The following PTPN12 variants were observed in gnomAD, a reference collection of about 807,000 sequenced individuals.
The protein encoded by PTPN12 is tyrosine-protein phosphatase non-receptor type 12.
PTPN12 carries 29 observed loss-of-function variants against 97.6 expected under a neutral mutation model. The observed-to-expected ratio is 0.30, with a 90% CI of 0.22 to 0.41. PTPN12 has a LOEUF of 0.41. Ranked by LOEUF, PTPN12 falls within the 10% of genes least tolerant of loss-of-function variation. The probability of loss-of-function intolerance (pLI) is 1.00; values close to 1 mark genes in which losing one functional copy is unlikely to be tolerated. For synonymous variants in PTPN12, 327 were observed against 300.4 expected, an observed-to-expected ratio of 1.09 and a Z score of -0.91; for missense variants, 819 against 926.0, an observed-to-expected ratio of 0.88 and a Z score of 1.50.
At chr7:77,547,733 G>A (rs182885586) in intron 1 of PTPN12, among the ~76,000 whole-genome samples, 5 of 152,362 alleles carry the variant, frequency 3.3e-5, no homozygotes, top group African/African-American at 9.6e-5. Flanking sequence ...ATCATGGACA[G>A]TTTCCACAAA....
rs571954415 is a variant in PTPN12 at position 77,614,746 on chromosome 7, A to G, written c.939+3700A>G. 3.9e-5 allele frequency among the ~76,000 whole-genome samples: 6 copies of G among 152,320 alleles called. No individual in the cohort carries two copies. In the East Asian group the frequency reaches 1.2e-3, roughly 29 times the overall value. On this transcript the variant is annotated intron_variant, in intron 11 of 17. Transcript: ENST00000248594. ...AATGTGGAATCTGAAAAATTGAGAA[A>G]AATCATCTTAGAACTGTGTGGTTGA... is the stretch of plus-strand genomic sequence containing the variant.
chr7:77,547,727 T>A (rs983553801), intron 1 of PTPN12, among the ~76,000 whole-genome samples: 1 of 152,228 alleles, frequency 6.6e-6, no homozygotes. Context: ...GAATAGATCA[T>A]GGACAGTTTC....
Position 77,639,245 on chromosome 7 carries a change from A to C in PTPN12, c.2308A>C (p.Lys770Gln). Residue 770 changes from lysine to glutamine, a missense_variant, in exon 18 of 18, where the codon AAA becomes CAA. Physicochemically the swap from Lys to Gln is moderately conservative, Grantham distance 53 (BLOSUM62 1). Coordinates refer to ENST00000248594, the MANE Select transcript of PTPN12 (RefSeq NM_002835.4). ...IGFGNRCGKPKGPRDPPSEWT is the reference protein window; with the variant it reads ...IGFGNRCGKPQGPRDPPSEWT ...TTTTGGTAATCGATGTGGAAAACCCAAAGGACCAAGAGATCCACCTTCAGA... is the reference window on the plus strand; with the variant it reads ...TTTTGGTAATCGATGTGGAAAACCCCAAGGACCAAGAGATCCACCTTCAGA... The C allele has an allele frequency of 1.9e-6, 3 of 1,612,958 alleles. No individual in the cohort carries two copies. Among genetic ancestry groups the C allele is most frequent in the Non-Finnish European group, 2.5e-6 (3 of 1,179,396 alleles).
At chr7:77,568,227 A>G (rs1340980423) in intron 1 of PTPN12, among the ~76,000 whole-genome samples, 1 of 152,244 alleles carries the variant, frequency 6.6e-6, no homozygotes, top group Non-Finnish European at 1.5e-5. Flanking sequence ...TAAATAAGAT[A>G]AATATTTGGA....
chr7:77,572,629 A>G (rs537184417), intron 2 of PTPN12, among the ~76,000 whole-genome samples: 1 of 152,290 alleles, frequency 6.6e-6, no homozygotes, highest in East Asian at 1.9e-4. Context: ...ATAATGGTAT[A>G]GTGTTCTGAT....
chr7:77,620,107 T>C (rs1250537011), intron 12 of PTPN12, among the ~76,000 whole-genome samples: 1 of 152,214 alleles, frequency 6.6e-6, no homozygotes, highest in Non-Finnish European at 1.5e-5. Flanking sequence ...CTGCCCTGTG[T>C]TTTAATTTGG....
intron 2 of PTPN12, among the ~76,000 whole-genome samples, chr7:77,571,404 C>G (rs1410475127): frequency 6.6e-6 from 1 of 152,098 alleles, no homozygotes; most frequent in Non-Finnish European, 1.5e-5. Context: ...CACAGTTGCT[C>G]TAATACTAAA....
At chr7:77,626,599 A>T in intron 12 of PTPN12, 106 bp from the exon 13 acceptor site, 1 of 1,262,644 alleles carries the variant, frequency 7.9e-7, no homozygotes, top group Non-Finnish European at 1.1e-6. Context: ...TTTTATTCGC[A>T]ACCAGATTGT....
chr7:77,559,858 G>C (rs544430160), intron 1 of PTPN12, among the ~76,000 whole-genome samples: 1 of 152,342 alleles, frequency 6.6e-6, no homozygotes, highest in African/African-American at 2.4e-5. Context: ...GTTATTATCT[G>C]TGAGGCAGTG....
In PTPN12 at chr7:77,605,888, C is replaced by T. The variant is rs138229703; in HGVS notation, c.696-1347C>T. Among the ~76,000 whole-genome samples the T allele has an allele frequency of 3.4e-4, 51 of 150,074 alleles. No individual in the cohort carries two copies. The East Asian group carries it at 6.2e-3, about 18-fold the overall frequency. On this transcript the variant is annotated intron_variant, in intron 8 of 17. Coordinates refer to ENST00000248594, the MANE Select transcript of PTPN12 (RefSeq NM_002835.4). ...TATAGCATTCTTCACCTTTCCTATA[C>T]CTTCTATAGATTGAAATGATGTACC...
intron 12 of PTPN12, among the ~76,000 whole-genome samples, chr7:77,621,037 G>A (rs1034236566): frequency 3.3e-5 from 5 of 151,192 alleles, no homozygotes; most frequent in African/African-American, 7.3e-5. Flanking sequence ...TAAGGTGGGC[G>A]GATTGCTTGA....
intron 5 of PTPN12, among the ~76,000 whole-genome samples, chr7:77,586,236 G>A (rs1238117777): frequency 2.6e-5 from 4 of 152,192 alleles, no homozygotes; most frequent in Admixed American, 6.5e-5. Flanking sequence ...TTATAGACGT[G>A]AGCCACTGCG....
intron 2 of PTPN12, among the ~76,000 whole-genome samples, chr7:77,575,323 A>G (rs962995138): frequency 2.1e-5 from 3 of 141,894 alleles, no homozygotes; most frequent in Non-Finnish European, 4.8e-5. Context: ...AACTCAACAC[A>G]CACACGCACG....
chr7:77,537,409 G>C lies in PTPN12; in HGVS notation c.-138G>C, dbSNP rs1279148866. 3 of 1,291,860 alleles carry C rather than the reference G, an allele frequency of 2.3e-6. No homozygotes were observed. The African/African-American group carries it at 4.8e-5, about 21-fold the overall frequency. 80.0% of individuals were successfully genotyped at this position (1,291,860 alleles called of 1,614,324 possible). Reference sequence around the variant, plus strand: ...CCGCCGCCTAGGGCGGTGGGGAGGAGGAGGGAGCCGCGGGGCTTGGCGGGG... The same window carrying C: ...CCGCCGCCTAGGGCGGTGGGGAGGACGAGGGAGCCGCGGGGCTTGGCGGGG... On this transcript the variant is annotated 5_prime_UTR_variant, in exon 1 of 18. Transcript: ENST00000248594.
intron 1 of PTPN12, chr7:77,537,983 G>GT (rs952887510): frequency 4.8e-5 from 48 of 989,824 alleles, no homozygotes; most frequent in African/African-American, 5.2e-5. Flanking sequence ...CAGGCCGGGG[G>GT]GGGGGGCTCG....
At chr7:77,539,672 C>T (rs549156180) in intron 1 of PTPN12, among the ~76,000 whole-genome samples, 6 of 152,076 alleles carry the variant, frequency 3.9e-5, no homozygotes, top group Admixed American at 1.3e-4. Flanking sequence ...TCTGTCGCCC[C>T]GGCTGGAGTG....
intron 11 of PTPN12, among the ~76,000 whole-genome samples, chr7:77,612,973 G>A (rs1788619919): frequency 1.3e-5 from 2 of 150,812 alleles, no homozygotes. Flanking sequence ...GGTTTTGCAT[G>A]TTGGCCAGGC....
intron 12 of PTPN12, among the ~76,000 whole-genome samples, chr7:77,622,155 T>G (rs1208410036): frequency 6.6e-6 from 1 of 152,122 alleles, no homozygotes; most frequent in Non-Finnish European, 1.5e-5. Flanking sequence ...GGTTTTCTCC[T>G]TGTTGCCTAG....
intron 13 of PTPN12, 100 bp downstream of exon 13, chr7:77,627,775 C>G (rs1789253812): frequency 8.3e-7 from 1 of 1,207,822 alleles, no homozygotes; most frequent in Middle Eastern, 2.8e-4. Context: ...ATTCCACACT[C>G]TACCATAGAA....
Sources: allele counts gnomAD v4.1 joint callset (sites outside exome capture counted in the v4.1 genomes callset), GRCh38; gene constraint gnomAD v4.1.1; transcripts MANE v1.5; gene names NCBI Gene and HGNC (gene_info 2026-07-23, HGNC 2026-07-21).